Variants in NKAIN2 observed in about 807,000 individuals in gnomAD.
NKAIN2 encodes sodium/potassium-transporting ATPase subunit beta-1-interacting protein 2.
In NKAIN2, 14 loss-of-function variants were observed where a neutral mutation model predicts 32.6. The observed-to-expected ratio is 0.43, with a 90% CI of 0.28 to 0.67. The LOEUF is 0.67. Ranked by LOEUF, NKAIN2 falls within the 30% of genes least tolerant of loss-of-function variation. NKAIN2 has a pLI of 0.17. For missense variants in NKAIN2, 198 were observed against 258.3 expected (o/e 0.77, Z 1.60); for synonymous variants, 80 against 87.2 (o/e 0.92, Z 0.46).
chr6:124,113,445 T>A (rs759399711), intron 1 of NKAIN2, among the ~76,000 whole-genome samples: 35 of 151,878 alleles, frequency 2.3e-4, no homozygotes, highest in Non-Finnish European at 4.9e-4. Context: ...TGAAAAAAAA[T>A]TGGGATTTTT....
intron 2 of NKAIN2, among the ~76,000 whole-genome samples, chr6:124,330,735 G>A (rs920218226): frequency 6.6e-6 from 1 of 152,172 alleles, no homozygotes; most frequent in Non-Finnish European, 1.5e-5. Flanking sequence ...GACTGGTACT[G>A]GTCTGTGGCT....
rs138154432 is a variant in NKAIN2, at chr6:124,273,974, T to C, written c.55-9031T>C. On this transcript the variant is annotated intron_variant, in intron 1 of 6. Transcript: ENST00000368417. ...AAGTTAGATTTCCACTGAGTAAAAT[T>C]ATAGGCTCTGTGGAGAAATCAAAAC... is the stretch of plus-strand genomic sequence containing the variant. Among the ~76,000 whole-genome samples, 807 of 152,290 alleles carry C rather than the reference T, an allele frequency of 5.3e-3. 10 individuals are homozygous for C. Among genetic ancestry groups the C allele is most frequent in the African/African-American group, 0.017 (693 of 41,562 alleles).
intron 1 of NKAIN2, among the ~76,000 whole-genome samples, chr6:123,893,141 T>G (rs1448900495): frequency 6.6e-6 from 1 of 152,096 alleles, no homozygotes; most frequent in African/African-American, 2.4e-5. Context: ...ACGAACTTCT[T>G]TCAGTTCATA....
intron 3 of NKAIN2, among the ~76,000 whole-genome samples, chr6:124,367,059 T>C (rs964648530): frequency 1.3e-5 from 2 of 152,190 alleles, no homozygotes; most frequent in Non-Finnish European, 2.9e-5. Context: ...CTTTCTAAAC[T>C]TGTATTTGCT....
chr6:124,183,524 C>T (rs1789557918), intron 1 of NKAIN2, among the ~76,000 whole-genome samples: 1 of 151,924 alleles, frequency 6.6e-6, no homozygotes, highest in Non-Finnish European at 1.5e-5. Context: ...ATTATTTTCT[C>T]AAGATATATG....
intron 1 of NKAIN2, among the ~76,000 whole-genome samples, chr6:124,117,624 C>T (rs1289823565): frequency 2.0e-5 from 3 of 151,906 alleles, no homozygotes; most frequent in African/African-American, 7.3e-5. Context: ...GCACGTTGTG[C>T]ACATGTACCC....
chr6:124,080,165 G>A (rs1208566442), intron 1 of NKAIN2, among the ~76,000 whole-genome samples: 3 of 152,110 alleles, frequency 2.0e-5, no homozygotes, highest in Admixed American at 6.6e-5. Context: ...TACACTGGGC[G>A]TCTTGTCTGA....
chr6:124,548,362 A>G (rs1210095093), intron 3 of NKAIN2, among the ~76,000 whole-genome samples: 1 of 152,216 alleles, frequency 6.6e-6, no homozygotes, highest in Non-Finnish European at 1.5e-5. Context: ...TACCATTTGA[A>G]AGTCTTAATT....
chr6:124,192,958 C>G (rs1210210386), intron 1 of NKAIN2, among the ~76,000 whole-genome samples: 2 of 151,966 alleles, frequency 1.3e-5, no homozygotes, highest in Non-Finnish European at 2.9e-5. Context: ...ACCGTGTTAG[C>G]CAGGATGGTC....
chr6:123,839,179 GA>G (rs1018134882), intron 1 of NKAIN2, among the ~76,000 whole-genome samples: 3 of 139,906 alleles, frequency 2.1e-5, no homozygotes, highest in African/African-American at 8.0e-5. Context: ...CTTGCAGAAG[GA>G]AAAAGGATCT....
At chr6:124,708,447 C>G (rs1372632240) in intron 4 of NKAIN2, among the ~76,000 whole-genome samples, 1 of 152,042 alleles carries the variant, frequency 6.6e-6, no homozygotes, top group Non-Finnish European at 1.5e-5. Flanking sequence ...TGGCCATTTT[C>G]AGGATATTGA....
chr6:124,591,182 C>T (rs1469377039), intron 3 of NKAIN2, among the ~76,000 whole-genome samples: 2 of 152,136 alleles, frequency 1.3e-5, no homozygotes, highest in Non-Finnish European at 1.5e-5. Flanking sequence ...TTTGTGGTGC[C>T]ACGAATTGGA....
At chr6:123,831,281 T>TAA (rs1405424801) in intron 1 of NKAIN2, among the ~76,000 whole-genome samples, 1 of 151,780 alleles carries the variant, frequency 6.6e-6, no homozygotes, top group African/African-American at 2.4e-5. Flanking sequence ...TTTATATATA[T>TAA]AATGTATATA....
At chr6:124,218,314 T>C (rs567589684) in intron 1 of NKAIN2, among the ~76,000 whole-genome samples, 1 of 152,134 alleles carries the variant, frequency 6.6e-6, no homozygotes, top group African/African-American at 2.4e-5. Flanking sequence ...ATAAAAGTAA[T>C]CTGTAAATTA....
chr6:124,343,648 G>T (rs36191947), intron 2 of NKAIN2, among the ~76,000 whole-genome samples: 2 of 146,868 alleles, frequency 1.4e-5, no homozygotes, highest in East Asian at 2.1e-4. Flanking sequence ...AGTGTCTGTT[G>T]ATATCCTTCG....
intron 1 of NKAIN2, among the ~76,000 whole-genome samples, chr6:124,058,200 TTTTG>T (rs200022190): frequency 0.28 from 10,179 of 36,170 alleles, 401 homozygotes; most frequent in East Asian, 0.45. Context: ...GACATTTAAG[TTTTG>T]TTTTTTTTTT....
chr6:124,393,377 CTT>C (rs895761110), intron 3 of NKAIN2, among the ~76,000 whole-genome samples: 2 of 149,954 alleles, frequency 1.3e-5, no homozygotes, highest in Non-Finnish European at 3.0e-5. Context: ...TGTAATGTCT[CTT>C]AAGTGATATG....
intron 4 of NKAIN2, among the ~76,000 whole-genome samples, chr6:124,680,310 T>C (rs1235558543): frequency 1.3e-5 from 2 of 152,156 alleles, no homozygotes; most frequent in African/African-American, 4.8e-5. Flanking sequence ...AGTTGATGAT[T>C]TGATGAGTCA....
chr6:124,385,385 C>T (rs555882031), intron 3 of NKAIN2, among the ~76,000 whole-genome samples: 3 of 152,088 alleles, frequency 2.0e-5, no homozygotes, highest in Non-Finnish European at 2.9e-5. Flanking sequence ...GGCTTCTCCC[C>T]TCTAATGTCA....
Sources: allele counts gnomAD v4.1 joint callset (sites outside exome capture counted in the v4.1 genomes callset), GRCh38; gene constraint gnomAD v4.1.1; transcripts MANE v1.5; gene names NCBI Gene and HGNC (gene_info 2026-07-23, HGNC 2026-07-21).